The following LRMDA variants were observed in gnomAD, a reference collection of about 807,000 sequenced individuals.
LRMDA encodes the protein leucine-rich melanocyte differentiation-associated protein.
LRMDA carries 18 observed loss-of-function variants against 29.8 expected under a neutral mutation model. That is an observed-to-expected ratio of 0.60 (90% CI 0.42 to 0.90). The LOEUF (loss-of-function observed/expected upper bound fraction) is 0.90. LRMDA is among the 40% of genes least tolerant of loss of function. The pLI is 0.00. For synonymous variants in LRMDA, 125 were observed against 109.4 expected (o/e 1.14, Z -0.89); for missense variants, 273 against 273.9 (o/e 1.00, Z 0.02).
intron 6 of LRMDA, among the ~76,000 whole-genome samples, chr10:76,452,958 G>C (rs1842421152): frequency 6.6e-6 from 1 of 152,132 alleles, no homozygotes; most frequent in Admixed American, 6.6e-5. Flanking sequence ...AACAGGGTCT[G>C]GACTTCTATA....
rs139864072 is a variant in LRMDA, at chr10:75,790,133, A to G, written c.132-245875A>G. 7.9e-5 allele frequency among the ~76,000 whole-genome samples: 12 copies of G among 152,274 alleles called. No homozygotes were observed. The East Asian group carries it at 2.1e-3, about 27-fold the overall frequency. On this transcript the variant is annotated intron_variant, in intron 2 of 6. Transcript: ENST00000611255. Reference sequence around the variant, plus strand: ...AACAAGATTTCTTAATCTTGGCCCTATTGACATTTTTGGCTGGATAATTCT... The same window carrying G: ...AACAAGATTTCTTAATCTTGGCCCTGTTGACATTTTTGGCTGGATAATTCT...
At chr10:76,219,695 TAGAC>T (rs1433509439) in intron 5 of LRMDA, among the ~76,000 whole-genome samples, 3 of 152,092 alleles carry the variant, frequency 2.0e-5, no homozygotes, top group African/African-American at 7.2e-5. Context: ...CTGTCAACAT[TAGAC>T]AGATCAACGA....
At chr10:76,210,730 T>A (rs1851620102) in intron 5 of LRMDA, among the ~76,000 whole-genome samples, 1 of 152,146 alleles carries the variant, frequency 6.6e-6, no homozygotes, top group South Asian at 2.1e-4. Context: ...ATGAAGTCAC[T>A]TGATTTCTTT....
chr10:75,823,397 A>G (rs1345513414), intron 2 of LRMDA, among the ~76,000 whole-genome samples: 6 of 152,076 alleles, frequency 3.9e-5, no homozygotes, highest in African/African-American at 1.4e-4. Flanking sequence ...CAAATTAAAA[A>G]CACAATGAGA....
chr10:75,732,384 A>G (rs1842710600), intron 2 of LRMDA, among the ~76,000 whole-genome samples: 1 of 152,254 alleles, frequency 6.6e-6, no homozygotes, highest in African/African-American at 2.4e-5. Flanking sequence ...GGGCAAGAGT[A>G]CAAATGGAAG....
chr10:75,900,761 T>G (rs1845656643), intron 2 of LRMDA, among the ~76,000 whole-genome samples: 1 of 152,160 alleles, frequency 6.6e-6, no homozygotes, highest in Non-Finnish European at 1.5e-5. Context: ...TGGAATGTGT[T>G]CTTCCTCCAT....
chr10:76,379,977 T>A (rs531569760), intron 6 of LRMDA, among the ~76,000 whole-genome samples: 1 of 152,228 alleles, frequency 6.6e-6, no homozygotes, highest in Non-Finnish European at 1.5e-5. Flanking sequence ...CCAAAGATCA[T>A]TCAGAAGCAA....
At chr10:76,347,166 A>G (rs914120230) in intron 6 of LRMDA, among the ~76,000 whole-genome samples, 3 of 152,180 alleles carry the variant, frequency 2.0e-5, no homozygotes, top group Non-Finnish European at 4.4e-5. Flanking sequence ...ATTGATCTGC[A>G]TGTTCTGAAG....
At chr10:76,110,626 T>C (rs560996273) in intron 5 of LRMDA, among the ~76,000 whole-genome samples, 1 of 152,280 alleles carries the variant, frequency 6.6e-6, no homozygotes, top group Non-Finnish European at 1.5e-5. Flanking sequence ...TTTCCCATGC[T>C]CTTCTCGTGA....
At chr10:75,497,890 A>G (rs1377579027) in intron 2 of LRMDA, among the ~76,000 whole-genome samples, 3 of 152,120 alleles carry the variant, frequency 2.0e-5, no homozygotes, top group Non-Finnish European at 4.4e-5. Context: ...CTTTGTTTGT[A>G]TATATATATT....
intron 2 of LRMDA, among the ~76,000 whole-genome samples, chr10:75,759,880 A>G (rs1458744224): frequency 6.6e-6 from 1 of 152,230 alleles, no homozygotes; most frequent in Non-Finnish European, 1.5e-5. Flanking sequence ...GAGCCTTCAG[A>G]GCTAGAGTTG....
Position 75,893,932 on chromosome 10 carries a change from C to CA in LRMDA, c.132-142063dup, listed in dbSNP as rs59406150. Among the ~76,000 whole-genome samples, 883 of 128,570 alleles carry CA rather than the reference C, an allele frequency of 6.9e-3. 8 individuals carry two copies. Among genetic ancestry groups the CA allele is most frequent in the Admixed American group, 0.015 (195 of 12,906 alleles). The allele number at this position is 128,570 out of a possible 152,430, so 84.3% of individuals were successfully genotyped here. ...TGGGTGACAGACTGACTCCGTCTCA[C>CA]AAAAAAAAAAAAACAAAAAAAAAAG... On this transcript the variant is annotated intron_variant, in intron 2 of 6. Transcript: ENST00000611255.
At chr10:75,532,111 TA>T in intron 2 of LRMDA, among the ~76,000 whole-genome samples, 1 of 151,492 alleles carries the variant, frequency 6.6e-6, no homozygotes, top group South Asian at 2.1e-4. Flanking sequence ...AGGGGGTGTT[TA>T]AAAATTTTCT....
chr10:75,672,921 C>T (rs1841917060), intron 2 of LRMDA, among the ~76,000 whole-genome samples: 1 of 150,516 alleles, frequency 6.6e-6, no homozygotes, highest in South Asian at 2.1e-4. Flanking sequence ...CCTAGTTCCT[C>T]TCGGGCTGCC....
intron 5 of LRMDA, among the ~76,000 whole-genome samples, chr10:76,076,744 T>C (rs7087016): frequency 0.44 from 67,152 of 151,978 alleles, 15,445 homozygotes; most frequent in Non-Finnish European, 0.46. Flanking sequence ...AAAGGAGAGC[T>C]GGAGTCATCA....
At position 76,498,516 on chromosome 10, in the gene LRMDA, A is replaced by G; in HGVS notation, c.602-58693A>G. On this transcript the variant is annotated intron_variant, in intron 6 of 6. Transcript: ENST00000611255. Reference sequence around the variant, plus strand: ...GATGAGCTCTTCCTGCCTGGCACGCAAAGAACTTTAGAGTTTTCCTCAAGC... The same window carrying G: ...GATGAGCTCTTCCTGCCTGGCACGCGAAGAACTTTAGAGTTTTCCTCAAGC... Among the ~76,000 whole-genome samples the G allele has an allele frequency of 2.6e-5, 2 of 75,790 alleles. 1 individual carries two copies. Among genetic ancestry groups the G allele is most frequent in the Non-Finnish European group, 8.8e-5 (2 of 22,764 alleles). The allele number at this position is 75,790 out of a possible 152,430, so 49.7% of individuals were successfully genotyped here. A position where few individuals can be genotyped will look rare whatever the true frequency, so the allele number is the denominator to read the frequency against.
chr10:76,386,705 T>G lies in LRMDA; in HGVS notation c.601+62220T>G, dbSNP rs1841664005. 2.0e-5 allele frequency among the ~76,000 whole-genome samples: 3 copies of G among 152,200 alleles called. No homozygotes were observed. The South Asian group carries it at 6.2e-4, about 32-fold the overall frequency. ...AAACTAATATTGCAATTCTATAAAATAAATTATTGACAGATTTTATAACAT... is the reference window on the plus strand; with the variant it reads ...AAACTAATATTGCAATTCTATAAAAGAAATTATTGACAGATTTTATAACAT... On this transcript the variant is annotated intron_variant, in intron 6 of 6. Coordinates refer to ENST00000611255, the MANE Select transcript of LRMDA (RefSeq NM_001305581.2).
chr10:75,553,088 A>AT (rs1057322768), intron 2 of LRMDA, among the ~76,000 whole-genome samples: 6 of 151,874 alleles, frequency 4.0e-5, no homozygotes, highest in Admixed American at 2.0e-4. Context: ...AAGAGTCTTC[A>AT]TTTTTTTTCT....
chr10:76,409,205 G>C (rs72817480), intron 6 of LRMDA, among the ~76,000 whole-genome samples: 1 of 152,050 alleles, frequency 6.6e-6, no homozygotes, highest in Admixed American at 6.6e-5. Flanking sequence ...AGTGATTTTC[G>C]TACTCTTTTC....
Sources: allele counts gnomAD v4.1 joint callset (sites outside exome capture counted in the v4.1 genomes callset), GRCh38; gene constraint gnomAD v4.1.1; transcripts MANE v1.5; gene names NCBI Gene and HGNC (gene_info 2026-07-23, HGNC 2026-07-21).